The following CPVL variants were observed in gnomAD, a reference collection of about 807,000 sequenced individuals.
CPVL encodes the protein probable serine carboxypeptidase CPVL.
CPVL carries 51 observed loss-of-function variants against 63.7 expected under a neutral mutation model. That is an observed-to-expected ratio of 0.80 (90% confidence interval 0.64 to 1.01). The LOEUF (loss-of-function observed/expected upper bound fraction) is 1.01, where lower values mean the gene tolerates loss of function less well. Among genes scored for constraint, CPVL ranks in the 50% least tolerant of loss-of-function variants. CPVL has a pLI of 0.00. For missense variants in CPVL, 530 were observed against 573.1 expected (o/e 0.92, Z 0.77); for synonymous variants, 195 against 206.0 (o/e 0.95, Z 0.46).
Position 29,112,781 on chromosome 7 carries a change from T to C in CPVL, c.211A>G (p.Met71Val), listed in dbSNP as rs61736222. Residue 71 changes from methionine (M) to valine (V), a missense_variant, in exon 3 of 13, where the codon ATG becomes GTG. Met to Val is a conservative substitution (Grantham distance 21). Transcript: ENST00000265394. ...SLVGPFPGLNMKSYAGFLTVN... is the reference protein window; with the variant it reads ...SLVGPFPGLNVKSYAGFLTVN... ...GTGAGGAAGCCGGCATAACTCTTCA[T>C]GTTCAGTCCTGGGAAAGGGCCGACC... 1.9e-3 allele frequency: 3,097 copies of C among 1,613,836 alleles called. 51 individuals carry two copies. In the African/African-American group the frequency reaches 0.037, roughly 19 times the overall value.
chr7:29,118,566 T>C (rs1789019354), intron 2 of CPVL, among the ~76,000 whole-genome samples: 1 of 152,196 alleles, frequency 6.6e-6, no homozygotes, highest in South Asian at 2.1e-4. Flanking sequence ...AGAAAAGAGA[T>C]GGTGAAACTT....
chr7:29,152,967 A>T (rs766654727), intron 5 of CPVL, among the ~76,000 whole-genome samples: 2 of 152,218 alleles, frequency 1.3e-5, no homozygotes, highest in African/African-American at 2.4e-5. Flanking sequence ...GTCATCCTCT[A>T]TCTGAGGGGT....
At chr7:29,189,722 CCAGT>C (rs2128752785) in intron 1 of CPVL, among the ~76,000 whole-genome samples, 1 of 151,814 alleles carries the variant, frequency 6.6e-6, no homozygotes, top group South Asian at 2.1e-4. Context: ...CTCTGTCTTT[CCAGT>C]CAAAGAGACT....
chr7:29,166,692 A>G (rs1472290956), intron 5 of CPVL, among the ~76,000 whole-genome samples: 1 of 152,052 alleles, frequency 6.6e-6, no homozygotes. Context: ...AGTATCTACA[A>G]CTGTATTGGT....
At chr7:29,062,912 G>A (rs1296527059) in intron 11 of CPVL, among the ~76,000 whole-genome samples, 1 of 152,196 alleles carries the variant, frequency 6.6e-6, no homozygotes, top group Non-Finnish European at 1.5e-5. Context: ...ATATAGGGAG[G>A]AAGTGGATCA....
At position 29,113,476 on chromosome 7, in the gene CPVL, G is replaced by A. The variant is rs559858030; in HGVS notation, c.170-654C>T. On this transcript the variant is annotated intron_variant, in intron 2 of 12. Transcript: ENST00000265394. ...AGTTGTGGGGGCCAGGGGTCCTGGC[G>A]TTCTTATGGCACCATTGGGACAGGC... Among the ~76,000 whole-genome samples, 5 of 152,240 alleles carry A rather than the reference G, an allele frequency of 3.3e-5. No homozygotes were observed. In the East Asian group the frequency reaches 5.8e-4, roughly 18 times the overall value.
chr7:29,042,170 G>C (rs1441670903), intron 11 of CPVL, among the ~76,000 whole-genome samples: 1 of 152,170 alleles, frequency 6.6e-6, no homozygotes, highest in Admixed American at 6.5e-5. Context: ...TGTCCATGTG[G>C]AGGAGGAGCA....
chr7:29,069,827 T>TGTGTGTGTGTGTGCGCGC (rs1554335163), intron 9 of CPVL, among the ~76,000 whole-genome samples: 2 of 135,396 alleles, frequency 1.5e-5, no homozygotes, highest in African/African-American at 5.5e-5. Flanking sequence ...TGTGTGTGTG[T>TGTGTGTGTGTGTGCGCGC]GCATGTAAAT....
intron 2 of CPVL, among the ~76,000 whole-genome samples, chr7:29,115,600 T>G (rs1417652645): frequency 6.6e-6 from 1 of 150,388 alleles, no homozygotes; most frequent in East Asian, 2.0e-4. Context: ...AGCAAAACTA[T>G]TAATCTTCTC....
At chr7:29,030,796 C>A in intron 11 of CPVL, 37 bp from the exon 12 acceptor site, 1 of 1,562,092 alleles carries the variant, frequency 6.4e-7, no homozygotes, top group Non-Finnish European at 8.7e-7. Context: ...ATGCAAGATT[C>A]AGGAGGTGAA....
intron 12 of CPVL, chr7:28,996,171 A>G (rs1784037260): frequency 3.7e-6 from 1 of 272,846 alleles, no homozygotes; most frequent in African/African-American, 2.3e-5. Context: ...CTAGAGAGTG[A>G]TCTGCCTGCT....
intron 1 of CPVL, among the ~76,000 whole-genome samples, chr7:29,125,331 A>T (rs1042570911): frequency 6.6e-6 from 1 of 151,162 alleles, no homozygotes; most frequent in African/African-American, 2.4e-5. Context: ...CAAGGCCAAG[A>T]CTCAAAGCCA....
intron 3 of CPVL, among the ~76,000 whole-genome samples, chr7:29,100,374 G>A (rs925370145): frequency 2.6e-5 from 4 of 152,192 alleles, no homozygotes; most frequent in African/African-American, 9.7e-5. Context: ...TCTGTGGGGA[G>A]GAGGCCTCAT....
intron 12 of CPVL, among the ~76,000 whole-genome samples, chr7:29,014,155 G>A (rs1359846138): frequency 1.3e-5 from 2 of 152,136 alleles, no homozygotes; most frequent in African/African-American, 4.8e-5. Flanking sequence ...CTGTGTTCTG[G>A]TTTTCTGCCC....
At chr7:29,049,017 G>A (rs1789895730) in intron 11 of CPVL, among the ~76,000 whole-genome samples, 1 of 151,982 alleles carries the variant, frequency 6.6e-6, no homozygotes, top group South Asian at 2.1e-4. Flanking sequence ...AGCAAAGGCG[G>A]TGCTAAGAGG....
intron 11 of CPVL, among the ~76,000 whole-genome samples, chr7:29,049,991 A>C (rs1249190420): frequency 6.6e-6 from 1 of 152,188 alleles, no homozygotes; most frequent in African/African-American, 2.4e-5. Context: ...AACTCTCAGC[A>C]AAATTGGCAT....
chr7:29,096,125 A>G lies in CPVL; in HGVS notation c.381T>C (p.Tyr127=). Residue 127 remains tyrosine (Y), a synonymous_variant, in exon 4 of 13, where the codon TAT becomes TAC. Coordinates refer to ENST00000265394, the MANE Select transcript of CPVL (RefSeq NM_031311.5). The part of the protein sequence containing the change: ...MFGLFVEHGP[Y]VVTSNMTLRD... ...TACAGGTCATGTTACTTGTGACAAC[A>G]TAAGGCCCATGTTCCACAAAGAGTC... 1.2e-6 allele frequency: 2 copies of G among 1,614,124 alleles called. No homozygotes were observed. The highest frequency in any genetic ancestry group is 1.7e-6 in the Non-Finnish European group (2 of 1,179,910).
chr7:29,055,442 G>C (rs566506792), intron 11 of CPVL, among the ~76,000 whole-genome samples: 2 of 152,114 alleles, frequency 1.3e-5, no homozygotes, highest in East Asian at 3.9e-4. Context: ...GTAGAGATGG[G>C]GTTTCACCAT....
chr7:29,017,143 AT>A (rs1304323804), intron 12 of CPVL, among the ~76,000 whole-genome samples: 1 of 152,188 alleles, frequency 6.6e-6, no homozygotes, highest in Non-Finnish European at 1.5e-5. Context: ...GCTGCAGGCT[AT>A]GAGCCAGACT....
Sources: gnomAD v4.1 joint callset for allele counts (sites outside exome capture counted in the v4.1 genomes callset) on GRCh38, gnomAD v4.1.1 for gene constraint, MANE v1.5 for transcripts, NCBI Gene and HGNC (gene_info 2026-07-23, HGNC 2026-07-21) for gene names.